The following PCDHA4 variants were observed in gnomAD, a reference collection of about 807,000 sequenced individuals.
PCDHA4 encodes protocadherin alpha-4.
In PCDHA4, 49 loss-of-function variants were observed where a neutral mutation model predicts 61.4. The observed-to-expected ratio is 0.80, with a 90% CI of 0.63 to 1.01. The LOEUF is 1.01. Ranked by LOEUF, PCDHA4 falls within the 50% of genes least tolerant of loss-of-function variation. The pLI is 0.00. For missense variants in PCDHA4, 1,254 were observed against 1,235.8 expected (o/e 1.01, Z -0.22); for synonymous variants, 590 against 550.3 (o/e 1.07, Z -1.01).
intron 1 of PCDHA4, among the ~76,000 whole-genome samples, chr5:140,975,842 T>C (rs1291239014): frequency 1.3e-5 from 2 of 152,210 alleles, no homozygotes; most frequent in Non-Finnish European, 2.9e-5. Context: ...TATTCTTCAG[T>C]AATACTACAT....
chr5:140,853,632 CA>C, intron 1 of PCDHA4: 1 of 988,598 alleles, frequency 1.0e-6, no homozygotes, highest in South Asian at 4.7e-5. Flanking sequence ...TACAAGATCA[CA>C]GACCTAAATT....
At chr5:140,875,445 C>A (rs2055496471) in intron 1 of PCDHA4, 1 of 1,582,278 alleles carries the variant, frequency 6.3e-7, no homozygotes, top group Middle Eastern at 1.7e-4. Context: ...AACTGATTGT[C>A]CCAACTCAGA....
rs898079440 is a variant in PCDHA4, at chr5:140,897,263, A to T, written c.2386-81686A>T. Among the ~76,000 whole-genome samples, 4 of 151,888 alleles carry T rather than the reference A, an allele frequency of 2.6e-5. No individual in the cohort carries two copies. The South Asian group carries it at 6.2e-4, about 24-fold the overall frequency. On this transcript the variant is annotated intron_variant, in intron 1 of 3. Transcript: ENST00000530339. Reference sequence around the variant, plus strand: ...TTAGTTACATATGTATACATGTGCCATGCTGGTGTGCTGCACCCATTAACT... The same window carrying T: ...TTAGTTACATATGTATACATGTGCCTTGCTGGTGTGCTGCACCCATTAACT...
rs374326542 is a variant in PCDHA4, at chr5:140,927,218, A to G, written c.2386-51731A>G. The G allele has an allele frequency of 2.5e-6, 4 of 1,613,972 alleles. No individual in the cohort carries two copies. The African/African-American group carries it at 5.3e-5, about 22-fold the overall frequency. On this transcript the variant is annotated intron_variant, in intron 1 of 3. Coordinates refer to ENST00000530339, the MANE Select transcript of PCDHA4 (RefSeq NM_018907.4). ...CTCGAGGACCCGCTGGAGCTGCACA[A>G]GATTCGGATTCACGTCCTGGACACC...
At chr5:140,968,152 C>A (rs782362724) in intron 1 of PCDHA4, 6 of 1,614,054 alleles carry the variant, frequency 3.7e-6, no homozygotes, top group Non-Finnish European at 1.7e-6. Flanking sequence ...TCTCTGACAT[C>A]AATGACAATC....
intron 3 of PCDHA4, among the ~76,000 whole-genome samples, chr5:141,005,035 GT>G (rs1272983494): frequency 6.6e-6 from 1 of 152,194 alleles, no homozygotes; most frequent in African/African-American, 2.4e-5. Context: ...TTGCCCATAT[GT>G]GATACCATTT....
At chr5:140,853,209 A>G (rs1399552448) in intron 1 of PCDHA4, 10 of 983,300 alleles carry the variant, frequency 1.0e-5, no homozygotes, top group Non-Finnish European at 1.1e-5. Context: ...TGACGGCTGT[A>G]TTGATGGGAT....
At position 140,859,256 on chromosome 5, in the gene PCDHA4, G is replaced by T. The variant is rs182882850; in HGVS notation, c.2385+49684G>T. ...TCATGCTTATGTTTAATAATGAAGA[G>T]AATTTGAACACTTTTTACTTTTGAG... is the stretch of plus-strand genomic sequence containing the variant. On this transcript the variant is annotated intron_variant, in intron 1 of 3. Coordinates refer to ENST00000530339, the MANE Select transcript of PCDHA4 (RefSeq NM_018907.4). The T allele has an allele frequency of 2.0e-4, 26 of 131,456 alleles. 1 individual carries two copies. The East Asian group carries it at 5.2e-3, about 26-fold the overall frequency. The allele number at this position is 131,456 out of a possible 1,614,324, so 8.1% of individuals were successfully genotyped here.
chr5:140,822,587 G>T (rs2150117559), intron 1 of PCDHA4: 36 of 1,609,596 alleles, frequency 2.2e-5, no homozygotes, highest in Middle Eastern at 1.6e-4. Flanking sequence ...GCAGATGAGG[G>T]CATCAATAAG....
At chr5:140,904,475 T>C (rs1034610314) in intron 1 of PCDHA4, among the ~76,000 whole-genome samples, 1 of 151,866 alleles carries the variant, frequency 6.6e-6, no homozygotes, top group Non-Finnish European at 1.5e-5. Context: ...TGGTGGCTAT[T>C]TGGTCTGATT....
chr5:140,879,783 G>A (rs182330190), intron 1 of PCDHA4, among the ~76,000 whole-genome samples: 1 of 152,162 alleles, frequency 6.6e-6, no homozygotes, highest in African/African-American at 2.4e-5. Flanking sequence ...GAAGAATCTG[G>A]TTTTTGTTTC....
Position 140,980,544 on chromosome 5 carries a change from C to T in PCDHA4, c.2444+1537C>T, listed in dbSNP as rs111386744. 4.0e-3 allele frequency among the ~76,000 whole-genome samples: 611 copies of T among 152,160 alleles called. 1 individual carries two copies. The highest frequency in any genetic ancestry group is 0.013 in the African/African-American group (560 of 41,516). On this transcript the variant is annotated intron_variant, in intron 2 of 3. Coordinates refer to ENST00000530339, the MANE Select transcript of PCDHA4 (RefSeq NM_018907.4). ...ACTAGGGAGGCTGAGGCAGGAGAAT[C>T]GCTTGAACCCGGGAGGCGGAAGTTG...
intron 1 of PCDHA4, chr5:140,843,530 C>G (rs2150362147): frequency 1.3e-6 from 2 of 1,595,838 alleles, no homozygotes; most frequent in African/African-American, 1.3e-5. Flanking sequence ...GGCGGGCAAG[C>G]CCACTCTGGT....
Position 140,920,254 on chromosome 5 carries a change from A to G in PCDHA4, c.2386-58695A>G, listed in dbSNP as rs117923328. Reference sequence around the variant, plus strand: ...TATATACCCAACAATACATCGCTATAATAATTATTACTTTATGTAATCTTA... The same window carrying G: ...TATATACCCAACAATACATCGCTATGATAATTATTACTTTATGTAATCTTA... On this transcript the variant is annotated intron_variant, in intron 1 of 3. Transcript: ENST00000530339. Among the ~76,000 whole-genome samples the G allele has an allele frequency of 8.5e-5, 13 of 152,332 alleles. No individual in the cohort carries two copies. In the East Asian group the frequency reaches 2.5e-3, roughly 29 times the overall value.
chr5:140,875,989 A>G (rs782628581), intron 1 of PCDHA4: 1 of 1,613,992 alleles, frequency 6.2e-7, no homozygotes, highest in South Asian at 1.1e-5. Flanking sequence ...CTATGCGTTA[A>G]GTCTAAATGA....
At chr5:140,875,464 T>A (rs782432702) in intron 1 of PCDHA4, 1 of 1,599,740 alleles carries the variant, frequency 6.3e-7, no homozygotes, top group Admixed American at 1.7e-5. Flanking sequence ...GAGGCCCTCA[T>A]TTTCTGCAAT....
At chr5:140,870,333 C>A in intron 1 of PCDHA4, 1 of 1,614,164 alleles carries the variant, frequency 6.2e-7, no homozygotes, top group Non-Finnish European at 8.5e-7. Flanking sequence ...TGCTGGACAG[C>A]GCCCTGGACC....
chr5:140,823,870 C>T, intron 1 of PCDHA4: 5 of 1,613,918 alleles, frequency 3.1e-6, no homozygotes, highest in Non-Finnish European at 3.4e-6. Flanking sequence ...CAACGTGTAC[C>T]TGATCATCGC....
At chr5:140,866,073 G>A (rs1329544131) in intron 1 of PCDHA4, 1 of 152,068 alleles carries the variant, frequency 6.6e-6, no homozygotes, top group Non-Finnish European at 1.5e-5. Flanking sequence ...ACTGAGATAG[G>A]TATTTTGGTT....
Sources: gnomAD v4.1 joint callset for allele counts (sites outside exome capture counted in the v4.1 genomes callset) on GRCh38, gnomAD v4.1.1 for gene constraint, MANE v1.5 for transcripts, NCBI Gene and HGNC (gene_info 2026-07-23, HGNC 2026-07-21) for gene names.